Variants in SERAC1 observed in about 807,000 individuals in gnomAD.
SERAC1 encodes the protein protein SERAC1.
Under a neutral mutation model 85.7 loss-of-function variants are expected in SERAC1, and 36 were observed. The observed-to-expected ratio is 0.42, with a 90% CI of 0.32 to 0.55. SERAC1 has a LOEUF of 0.55. SERAC1 is among the 20% of genes least tolerant of loss of function. SERAC1 has a pLI of 0.11. For synonymous variants in SERAC1, 242 were observed against 265.3 expected, an observed-to-expected ratio of 0.91 and a Z score of 0.85; for missense variants, 629 against 796.2, an observed-to-expected ratio of 0.79 and a Z score of 2.53.
At chr6:158,111,734 G>C (rs188284276) in intron 16 of SERAC1, 3 of 344,112 alleles carry the variant, frequency 8.7e-6, no homozygotes, top group African/African-American at 6.3e-5. Flanking sequence ...TGAACTTTTC[G>C]TATGTGTTCT....
chr6:158,152,393 G>A (rs1186798401), intron 3 of SERAC1, among the ~76,000 whole-genome samples: 1 of 152,172 alleles, frequency 6.6e-6, no homozygotes, highest in Non-Finnish European at 1.5e-5. Flanking sequence ...GCGGGCGCCT[G>A]TAATCCCAGC....
At chr6:158,133,741 A>G (rs554859539) in intron 8 of SERAC1, among the ~76,000 whole-genome samples, 1 of 152,298 alleles carries the variant, frequency 6.6e-6, no homozygotes, top group East Asian at 1.9e-4. Context: ...GATTTGTGCA[A>G]ACTAACTGGG....
At chr6:158,149,748 C>T (rs1366696858) in intron 4 of SERAC1, among the ~76,000 whole-genome samples, 1 of 152,170 alleles carries the variant, frequency 6.6e-6, no homozygotes, top group Non-Finnish European at 1.5e-5. Flanking sequence ...AGCAACAGGG[C>T]AGCAAGGTGA....
rs896602627 is a variant in SERAC1 at position 158,120,008 on chromosome 6, T to C, written c.1166+417A>G. On this transcript the variant is annotated intron_variant, in intron 11 of 16. Coordinates refer to ENST00000647468, the MANE Select transcript of SERAC1 (RefSeq NM_032861.4). This position sits in a 1 kb window ranked among gnomAD's most constrained non-coding sequence, Gnocchi z 4.4. ...CTAGCATAAACTTTCTCCAGTCCCTTGAGTTCTAGGCCCAGGCTAATTTGG... is the reference window on the plus strand; with the variant it reads ...CTAGCATAAACTTTCTCCAGTCCCTCGAGTTCTAGGCCCAGGCTAATTTGG... Among the ~76,000 whole-genome samples the C allele has an allele frequency of 3.1e-4, 47 of 152,338 alleles. No individual in the cohort carries two copies. The highest frequency in any genetic ancestry group is 1.1e-3 in the African/African-American group (46 of 41,578).
chr6:158,121,120 T>C lies in SERAC1; in HGVS notation c.1016-545A>G, dbSNP rs151038543. On this transcript the variant is annotated intron_variant, in intron 10 of 16. Transcript: ENST00000647468. ...GAAAATGCATGGATAATACTATCTA[T>C]GCTATGATTTCTTTTTTTTAATGTT... Among the ~76,000 whole-genome samples, 589 of 152,288 alleles carry C rather than the reference T, an allele frequency of 3.9e-3. 5 individuals carry two copies. Among genetic ancestry groups the C allele is most frequent in the African/African-American group, 0.014 (564 of 41,564 alleles).
At chr6:158,157,899 G>A (rs1785393066) in intron 2 of SERAC1, among the ~76,000 whole-genome samples, 1 of 152,208 alleles carries the variant, frequency 6.6e-6, no homozygotes, top group South Asian at 2.1e-4. Context: ...GTAGACTGGA[G>A]CCATATCCCG....
chr6:158,140,253 G>A (rs1162772982), intron 8 of SERAC1, among the ~76,000 whole-genome samples: 1 of 152,144 alleles, frequency 6.6e-6, no homozygotes, highest in Non-Finnish European at 1.5e-5. Context: ...AAGACTAAGG[G>A]CATGATTAGA....
intron 8 of SERAC1, among the ~76,000 whole-genome samples, chr6:158,142,602 G>A (rs1221479717): frequency 4.0e-5 from 6 of 151,800 alleles, no homozygotes; most frequent in Middle Eastern, 3.4e-3. Flanking sequence ...TCAGCCTCCC[G>A]AGTAGCTGGG....
rs1784143483 is a variant in SERAC1, at chr6:158,111,493, A to G, written c.1838T>C (p.Ile613Thr). The change falls in exon 17 of 17, where the codon ATT (isoleucine) becomes ACT (threonine). Residue 613 changes from isoleucine (I) to threonine (T), a missense_variant. Ile to Thr is a moderately conservative substitution (Grantham distance 89, BLOSUM62 -1). Coordinates refer to ENST00000647468, the MANE Select transcript of SERAC1 (RefSeq NM_032861.4). ...AACATCCACAGGAATTAGATCTCCA[A>G]TGCCTAAATCTGAAGAAAATAAAAA... ...VVPVESADLG[I>T]GDLIPVDVNH... 1 of 1,593,318 alleles carries G rather than the reference A, an allele frequency of 6.3e-7. No homozygotes were observed. Among genetic ancestry groups the G allele is most frequent in the Non-Finnish European group, 8.5e-7 (1 of 1,173,680 alleles).
Position 158,150,532 on chromosome 6 carries a change from A to G in SERAC1, c.186T>C (p.Asp62=). The change falls in exon 4 of 17, where the codon GAT becomes GAC. Residue 62 remains aspartate (D), a synonymous_variant. Coordinates refer to ENST00000647468, the MANE Select transcript of SERAC1 (RefSeq NM_032861.4). ...TTTTTTCTCGTTCTACCACTTGAGT[A>G]TCTAATGTCACAGCCTTCTTCAGGG... is the stretch of plus-strand genomic sequence containing the variant. ...VLALKKAVTL[D]TQVVEREKMK... is the part of the protein sequence containing the mutation. The G allele has an allele frequency of 1.3e-6, 2 of 1,597,986 alleles. No individual in the cohort carries two copies. Among genetic ancestry groups the G allele is most frequent in the East Asian group, 2.2e-5 (1 of 44,766 alleles).
chr6:158,163,040 G>A (rs896098461), intron 1 of SERAC1, among the ~76,000 whole-genome samples: 34 of 152,296 alleles, frequency 2.2e-4, no homozygotes, highest in African/African-American at 7.7e-4. Context: ...ACCATGTAAA[G>A]ATGCCTAGGT....
intron 1 of SERAC1, among the ~76,000 whole-genome samples, 185 bp downstream of exon 1, chr6:158,167,955 C>G (rs900639879): frequency 2.6e-5 from 4 of 151,740 alleles, no homozygotes; most frequent in Non-Finnish European, 4.4e-5. Context: ...GAGTCAGGCT[C>G]GCGACCACCA....
chr6:158,120,634 G>A lies in SERAC1; in HGVS notation c.1016-59C>T. 2 of 1,557,776 alleles carry A rather than the reference G, an allele frequency of 1.3e-6. No homozygotes were observed. Among genetic ancestry groups the A allele is most frequent in the Non-Finnish European group, 1.7e-6 (2 of 1,149,192 alleles). ...GTGAATCCATCGCAGACCACAGAGAGAGTGAGGTTTCAAACTGAATATGAT... is the reference window on the plus strand; with the variant it reads ...GTGAATCCATCGCAGACCACAGAGAAAGTGAGGTTTCAAACTGAATATGAT... On this transcript the variant is annotated intron_variant, in intron 10 of 16. Coordinates refer to ENST00000647468, the MANE Select transcript of SERAC1 (RefSeq NM_032861.4). This position sits in a 1 kb window ranked among gnomAD's most constrained non-coding sequence, Gnocchi z 4.4.
In SERAC1 at chr6:158,109,945, T is replaced by TA. The variant is rs1299593355; in HGVS notation, c.*1420dup. 3 of 152,146 alleles carry TA rather than the reference T, an allele frequency of 2.0e-5. No homozygotes were observed. The highest frequency in any genetic ancestry group is 4.4e-5 in the Non-Finnish European group (3 of 68,026). The allele number at this position is 152,146 out of a possible 1,614,324, so 9.4% of individuals were successfully genotyped here. Reference sequence around the variant, plus strand: ...CATTTACATAAAATTCCCAAATCCATAGAGACAGAAAACAGATTAGTGTTT... The same window carrying TA: ...CATTTACATAAAATTCCCAAATCCATAAGAGACAGAAAACAGATTAGTGTTT... On this transcript the variant is annotated 3_prime_UTR_variant, in exon 17 of 17. Transcript: ENST00000647468.
At chr6:158,136,330 T>C (rs1317256493) in intron 8 of SERAC1, among the ~76,000 whole-genome samples, 1 of 152,232 alleles carries the variant, frequency 6.6e-6, no homozygotes, top group African/African-American at 2.4e-5. Context: ...TGTAATCTTA[T>C]GTATTATATT....
chr6:158,119,243 T>G lies in SERAC1; in HGVS notation c.1167-73A>C. On this transcript the variant is annotated intron_variant, in intron 11 of 16. Transcript: ENST00000647468. The surrounding 1 kb of genome is among the most constrained non-coding windows in gnomAD (Gnocchi z 4.5). ...GCTTTGGTAAGAATCTACACAGCAT[T>G]CTCTGTGGATGGTGCTTTAGCAGGC... 1 of 1,489,036 alleles carries G rather than the reference T, an allele frequency of 6.7e-7. No homozygotes were observed. Among genetic ancestry groups the G allele is most frequent in the Non-Finnish European group, 9.1e-7 (1 of 1,102,688 alleles). The allele number at this position is 1,489,036 out of a possible 1,614,324, so 92.2% of individuals were successfully genotyped here. A position where few individuals can be genotyped will look rare whatever the true frequency, so the allele number is the denominator to read the frequency against.
In SERAC1 at chr6:158,116,998, C is replaced by T. The variant is rs141580340; in HGVS notation, c.1404-716G>A. On this transcript the variant is annotated intron_variant, in intron 13 of 16. Coordinates refer to ENST00000647468, the MANE Select transcript of SERAC1 (RefSeq NM_032861.4). ...TTTAAACTAAAGAGGAACTTCAAAA[C>T]TATCTAGTCTGGTAGTTTCAAACTG... The T allele has an allele frequency of 6.9e-3, 1,063 of 153,118 alleles. 11 individuals are homozygous for T. The highest frequency in any genetic ancestry group is 0.024 in the African/African-American group (1,008 of 41,570). 9.5% of individuals were successfully genotyped at this position (153,118 alleles called of 1,614,324 possible).
intron 15 of SERAC1, chr6:158,114,567 TATTAAA>T (rs1784230745): frequency 5.7e-6 from 7 of 1,234,386 alleles, no homozygotes; most frequent in Non-Finnish European, 6.2e-6. Flanking sequence ...TTTAAGATAA[TATTAAA>T]ATTATTACAA....
rs1284072272 is a variant in SERAC1 at position 158,117,802 on chromosome 6, C to A, written c.1328G>T (p.Cys443Phe). ...CWPKTWLAKD[C>F]PALRIISVEY... ...CACAGATATAATTCGGAGAGCAGGA[C>A]AGTCTTTTGCTAACCATGTCTAAGT... The change falls in exon 13 of 17, where the codon TGT (cysteine) becomes TTT (phenylalanine). Residue 443 changes from cysteine (C) to phenylalanine (F), a missense_variant. Coordinates refer to ENST00000647468, the MANE Select transcript of SERAC1 (RefSeq NM_032861.4). The surrounding 1 kb of genome is among the most constrained non-coding windows in gnomAD (Gnocchi z 4.3). 6.2e-7 allele frequency: 1 copy of A among 1,613,884 alleles called. No homozygotes were observed. The highest frequency in any genetic ancestry group is 2.2e-5 in the East Asian group (1 of 44,880).
Sources: allele counts gnomAD v4.1 joint callset (sites outside exome capture counted in the v4.1 genomes callset), GRCh38; gene constraint gnomAD v4.1.1; non-coding constraint Gnocchi (gnomAD v3.1); transcripts MANE v1.5; gene names NCBI Gene and HGNC (gene_info 2026-07-23, HGNC 2026-07-21).